Variants in ATP8B4 observed in about 807,000 individuals in gnomAD.
ATP8B4 encodes ATPase phospholipid transporting 8B4 (putative).
Under a neutral mutation model 145.6 loss-of-function variants are expected in ATP8B4, and 133 were observed. That is an observed-to-expected ratio of 0.91 (90% CI 0.79 to 1.05). The LOEUF is 1.05. Ranked by LOEUF, ATP8B4 falls within the 50% of genes least tolerant of loss-of-function variation. The pLI, the probability that ATP8B4 is intolerant of heterozygous loss-of-function variation, is 0.00. For missense variants in ATP8B4, 1,458 were observed against 1,425.2 expected (o/e 1.02, Z -0.37); for synonymous variants, 507 against 492.9 (o/e 1.03, Z -0.38).
intron 3 of ATP8B4, 62 bp downstream of exon 3, chr15:50,074,065 C>T: frequency 7.1e-7 from 1 of 1,405,530 alleles, no homozygotes; most frequent in Non-Finnish European, 9.9e-7. Context: ...AGAAGACATG[C>T]ATCCCACTGT....
intron 23 of ATP8B4, among the ~76,000 whole-genome samples, chr15:49,884,556 C>G (rs1200310114): frequency 7.6e-6 from 1 of 131,128 alleles, no homozygotes; most frequent in East Asian, 2.4e-4. Flanking sequence ...GAGCCGAGAT[C>G]ATACCACTGC....
At chr15:50,038,717 G>A (rs375818667) in intron 6 of ATP8B4, 51 bp downstream of exon 6, 2 of 1,431,924 alleles carry the variant, frequency 1.4e-6, no homozygotes, top group South Asian at 1.2e-5. Context: ...GTCAAGAGCT[G>A]TTTCAGGGTC....
intron 25 of ATP8B4, among the ~76,000 whole-genome samples, chr15:49,870,631 C>A (rs1216331399): frequency 2.6e-5 from 4 of 152,084 alleles, no homozygotes; most frequent in African/African-American, 9.7e-5. Flanking sequence ...TCAAAGTGAG[C>A]TTATTCACAG....
At chr15:50,089,602 A>G (rs2055460305) in intron 2 of ATP8B4, among the ~76,000 whole-genome samples, 1 of 152,206 alleles carries the variant, frequency 6.6e-6, no homozygotes. Context: ...AATGGCAATT[A>G]TTAAAAAGTC....
chr15:49,978,621 C>T (rs2045876542), intron 12 of ATP8B4, among the ~76,000 whole-genome samples: 2 of 151,996 alleles, frequency 1.3e-5, no homozygotes, highest in Non-Finnish European at 2.9e-5. Flanking sequence ...AACTGTCAAC[C>T]AACCAAGTCC....
At chr15:50,117,453 C>T (rs985302676) in intron 1 of ATP8B4, among the ~76,000 whole-genome samples, 1 of 152,044 alleles carries the variant, frequency 6.6e-6, no homozygotes, top group Non-Finnish European at 1.5e-5. Context: ...CAATATGCCA[C>T]ATATGAAAAA....
At chr15:50,048,537 C>T (rs1000977379) in intron 3 of ATP8B4, among the ~76,000 whole-genome samples, 4 of 151,698 alleles carry the variant, frequency 2.6e-5, no homozygotes, top group African/African-American at 9.7e-5. Flanking sequence ...ATGAAACCCC[C>T]TCTCTACTAC....
intron 1 of ATP8B4, among the ~76,000 whole-genome samples, chr15:50,179,906 C>T (rs749175522): frequency 1.3e-5 from 2 of 152,190 alleles, no homozygotes; most frequent in African/African-American, 2.4e-5. Flanking sequence ...CATCTATTAA[C>T]CTCGTGATAA....
chr15:49,976,887 G>C (rs2045714078), intron 12 of ATP8B4, among the ~76,000 whole-genome samples: 1 of 152,052 alleles, frequency 6.6e-6, no homozygotes, highest in South Asian at 2.1e-4. Context: ...TCACAGAACA[G>C]AGCTTATAAT....
chr15:50,119,348 T>C (rs533592730), upstream of ATP8B4: 1 of 152,330 alleles, frequency 6.6e-6, no homozygotes, highest in South Asian at 2.1e-4. Flanking sequence ...CGGAAGCTGC[T>C]AGATGGCAAT....
At chr15:49,925,926 G>C (rs2040675442) in intron 16 of ATP8B4, among the ~76,000 whole-genome samples, 1 of 152,058 alleles carries the variant, frequency 6.6e-6, no homozygotes. Context: ...GTTTTAAATG[G>C]TCACGATAAC....
At chr15:50,155,147 T>C (rs1185618005) in intron 1 of ATP8B4, among the ~76,000 whole-genome samples, 2 of 152,152 alleles carry the variant, frequency 1.3e-5, no homozygotes, top group African/African-American at 2.4e-5. Flanking sequence ...TCCACCTAAG[T>C]AAGAACCTTG....
At chr15:50,079,682 G>T (rs2054415920) in intron 2 of ATP8B4, among the ~76,000 whole-genome samples, 1 of 152,066 alleles carries the variant, frequency 6.6e-6, no homozygotes, top group Non-Finnish European at 1.5e-5. Context: ...AATTCAGAGG[G>T]GTCTATGATG....
Position 49,920,060 on chromosome 15 carries a change from A to G in ATP8B4, c.1923+186T>C, listed in dbSNP as rs77623007. ...ATAAGCTACTGCTAATAGAAATACA[A>G]TTCTAGGCTCTCTAGGACCATACAT... On this transcript the variant is annotated intron_variant, in intron 18 of 27. Transcript: ENST00000284509. Among the ~76,000 whole-genome samples the G allele has an allele frequency of 4.4e-3, 675 of 152,358 alleles. 5 individuals carry two copies. The highest frequency in any genetic ancestry group is 0.016 in the African/African-American group (653 of 41,584).
intron 20 of ATP8B4, among the ~76,000 whole-genome samples, chr15:49,908,821 C>T (rs2038914248): frequency 6.6e-6 from 1 of 152,172 alleles, no homozygotes; most frequent in Non-Finnish European, 1.5e-5. Flanking sequence ...AGCAACCCCA[C>T]TACCCTTCCA....
At chr15:50,022,036 G>A (rs780863226) in intron 6 of ATP8B4, among the ~76,000 whole-genome samples, 2 of 152,048 alleles carry the variant, frequency 1.3e-5, no homozygotes, top group Non-Finnish European at 2.9e-5. Context: ...TCATTGTAAG[G>A]CAAAGGATAT....
intron 20 of ATP8B4, among the ~76,000 whole-genome samples, chr15:49,910,551 A>C (rs1237869458): frequency 6.6e-6 from 1 of 152,194 alleles, no homozygotes; most frequent in African/African-American, 2.4e-5. Context: ...CATTATAGTC[A>C]AACTGTCTAA....
intron 1 of ATP8B4, among the ~76,000 whole-genome samples, chr15:50,156,073 A>T (rs12591549): frequency 0.04 from 2,066 of 51,540 alleles, 97 homozygotes; most frequent in Non-Finnish European, 0.045. Flanking sequence ...TAAATAAATA[A>T]ATATATATAT....
At chr15:49,981,356 C>G (rs996098393) in intron 10 of ATP8B4, 62 bp from the exon 11 acceptor site, 13 of 1,278,086 alleles carry the variant, frequency 1.0e-5, no homozygotes, top group Non-Finnish European at 1.3e-5. Flanking sequence ...CTTATTAATG[C>G]TCATATCAAA....
Sources: gnomAD v4.1 joint callset for allele counts (sites outside exome capture counted in the v4.1 genomes callset) on GRCh38, gnomAD v4.1.1 for gene constraint, MANE v1.5 for transcripts, NCBI Gene and HGNC (gene_info 2026-07-23, HGNC 2026-07-21) for gene names.